RARB: variants seen among roughly 807,000 people sequenced by gnomAD.
RARB encodes the protein retinoic acid receptor beta.
A neutral mutation model predicts 51.9 loss-of-function variants in RARB; 17 were observed. That is an observed-to-expected ratio of 0.33 (90% CI 0.22 to 0.49). RARB has a LOEUF of 0.49. Ranked by LOEUF, RARB falls within the 20% of genes least tolerant of loss-of-function variation. RARB has a pLI of 0.99. For missense variants in RARB, 369 were observed against 550.8 expected (o/e 0.67, Z 3.30); for synonymous variants, 215 against 195.4 (o/e 1.10, Z -0.84).
At chr3:25,472,065 C>T (rs554704968) in intron 2 of RARB, among the ~76,000 whole-genome samples, 1 of 152,334 alleles carries the variant, frequency 6.6e-6, no homozygotes, top group Admixed American at 6.5e-5. Flanking sequence ...TCTTACATTC[C>T]TATAGCCTTA....
intron 5 of RARB, chr3:25,260,019 T>C (rs1702958204): frequency 1.0e-6 from 1 of 981,770 alleles, no homozygotes; most frequent in Non-Finnish European, 1.2e-6. Context: ...TGAAACGTTT[T>C]TCCCCTTTCT....
intron 2 of RARB, among the ~76,000 whole-genome samples, chr3:25,473,312 A>G (rs1432396269): frequency 6.6e-6 from 1 of 152,158 alleles, no homozygotes; most frequent in African/African-American, 2.4e-5. Context: ...CCTGAAAAAA[A>G]AAAAATAGAG....
At chr3:25,197,619 A>T (rs945966978) in intron 5 of RARB, among the ~76,000 whole-genome samples, 2 of 152,052 alleles carry the variant, frequency 1.3e-5, no homozygotes, top group African/African-American at 4.8e-5. Flanking sequence ...CCTACAAAAT[A>T]TCAGTAGCAT....
chr3:25,250,006 C>T (rs531823947), intron 5 of RARB, among the ~76,000 whole-genome samples: 1 of 104,336 alleles, frequency 9.6e-6, no homozygotes, highest in South Asian at 3.6e-4. Context: ...TCTTCAGGCC[C>T]CTGGGCATCA....
chr3:24,862,279 A>C (rs937262), intron 2 of RARB, among the ~76,000 whole-genome samples: 99,199 of 152,048 alleles, frequency 0.65, 33,057 homozygotes, highest in East Asian at 0.97. Flanking sequence ...AGTGCTATTA[A>C]AGGCTATAGT....
At chr3:24,860,275 A>G (rs1169139013) in intron 2 of RARB, among the ~76,000 whole-genome samples, 1 of 151,930 alleles carries the variant, frequency 6.6e-6, no homozygotes, top group African/African-American at 2.4e-5. Context: ...CTAGGAATAA[A>G]CCTTTTGCAT....
chr3:25,303,803 T>G (rs750076608), intron 5 of RARB, among the ~76,000 whole-genome samples: 1 of 152,154 alleles, frequency 6.6e-6, no homozygotes, highest in Non-Finnish European at 1.5e-5. Context: ...GGGCAGAATG[T>G]TTTTATTTTA....
intron 2 of RARB, among the ~76,000 whole-genome samples, chr3:24,925,707 C>G (rs1383610531): frequency 2.0e-5 from 3 of 148,094 alleles, no homozygotes; most frequent in Non-Finnish European, 4.5e-5. Context: ...ACTCCCTCTA[C>G]TCTTTTTGAA....
At chr3:25,206,776 C>G (rs112485605) in intron 5 of RARB, among the ~76,000 whole-genome samples, 3 of 152,160 alleles carry the variant, frequency 2.0e-5, no homozygotes, top group Admixed American at 2.0e-4. Context: ...TATTCATGCC[C>G]GATAGCTTCC....
chr3:25,547,301 C>G (rs1305687872), intron 3 of RARB, among the ~76,000 whole-genome samples: 1 of 152,116 alleles, frequency 6.6e-6, no homozygotes, highest in East Asian at 1.9e-4. Flanking sequence ...GAGTGTCACC[C>G]TGGTGAAAGG....
intron 5 of RARB, among the ~76,000 whole-genome samples, chr3:25,382,081 T>C (rs147647637): frequency 0.02 from 3,046 of 152,254 alleles, 57 homozygotes; most frequent in African/African-American, 0.048. Context: ...TATCATGTCT[T>C]TTTTTGGCCC....
At chr3:25,135,056 T>C (rs889627582) in intron 4 of RARB, among the ~76,000 whole-genome samples, 3 of 147,282 alleles carry the variant, frequency 2.0e-5, no homozygotes, top group Non-Finnish European at 3.0e-5. Context: ...CCTTTTCCCT[T>C]TTTTTTTTTT....
intron 2 of RARB, among the ~76,000 whole-genome samples, chr3:25,036,483 GTCT>G: frequency 6.6e-6 from 1 of 152,140 alleles, no homozygotes; most frequent in Admixed American, 6.5e-5. Context: ...TTTCCTTTAA[GTCT>G]TCATTTTTTT....
At chr3:25,104,729 A>G (rs893073235) in intron 3 of RARB, among the ~76,000 whole-genome samples, 4 of 152,250 alleles carry the variant, frequency 2.6e-5, no homozygotes, top group African/African-American at 9.6e-5. Context: ...AATGTTAGAC[A>G]TGATAAATTA....
chr3:25,082,951 G>A (rs1012824231), intron 3 of RARB, among the ~76,000 whole-genome samples: 2 of 152,044 alleles, frequency 1.3e-5, no homozygotes, highest in Non-Finnish European at 2.9e-5. Flanking sequence ...GCTCCAGCTT[G>A]GAAGCTGGTT....
At chr3:24,877,164 A>G (rs1703062721) in intron 2 of RARB, among the ~76,000 whole-genome samples, 1 of 151,990 alleles carries the variant, frequency 6.6e-6, no homozygotes, top group South Asian at 2.1e-4. Flanking sequence ...TTTGAAAACT[A>G]TTGTTTCAAC....
At chr3:24,930,293 G>A (rs975145437) in intron 2 of RARB, among the ~76,000 whole-genome samples, 5 of 152,020 alleles carry the variant, frequency 3.3e-5, no homozygotes, top group Non-Finnish European at 5.9e-5. Flanking sequence ...CTGAATGAAA[G>A]GGAAGTGGAT....
chr3:25,158,677 T>C (rs1051695512), intron 4 of RARB, among the ~76,000 whole-genome samples: 2 of 152,244 alleles, frequency 1.3e-5, no homozygotes, highest in African/African-American at 4.8e-5. Flanking sequence ...CTTTATGTAA[T>C]TAATGACTTT....
At chr3:25,014,004 C>G (rs573804545) in intron 2 of RARB, among the ~76,000 whole-genome samples, 1 of 152,200 alleles carries the variant, frequency 6.6e-6, no homozygotes, top group East Asian at 1.9e-4. Context: ...CTCCCTCTCT[C>G]AACTTTGAAT....
Sources: allele counts gnomAD v4.1 joint callset (sites outside exome capture counted in the v4.1 genomes callset), GRCh38; gene constraint gnomAD v4.1.1; transcripts MANE v1.5; gene names NCBI Gene and HGNC (gene_info 2026-07-23, HGNC 2026-07-21).